Variants in DSE observed in about 807,000 individuals in gnomAD.
DSE encodes the protein dermatan sulfate epimerase.
In DSE, 36 loss-of-function variants were observed where a neutral mutation model predicts 84.4. The ratio of observed to expected loss-of-function variants is 0.43; its 90% CI spans 0.33 to 0.56. The LOEUF (loss-of-function observed/expected upper bound fraction) is 0.56, where lower values mean the gene tolerates loss of function less well. Ranked by LOEUF, DSE falls within the 20% of genes least tolerant of loss-of-function variation. The pLI is 0.06. For missense variants in DSE, 862 were observed against 1,169.6 expected (o/e 0.74, Z 3.84); for synonymous variants, 410 against 430.1 (o/e 0.95, Z 0.58).
chr6:116,396,472 CTA>C (rs1781255184), intron 1 of DSE, among the ~76,000 whole-genome samples: 1 of 152,178 alleles, frequency 6.6e-6, no homozygotes, highest in Admixed American at 6.5e-5. Flanking sequence ...TGCAGAATCT[CTA>C]TGGGTTCTGC....
chr6:116,278,587 C>A (rs369165300), intron 2 of DSE: 1 of 1,614,058 alleles, frequency 6.2e-7, no homozygotes, highest in African/African-American at 1.3e-5. Context: ...TCGGGCTCTA[C>A]GGACTCCTTC....
intron 2 of DSE, among the ~76,000 whole-genome samples, chr6:116,415,354 T>C (rs549330598): frequency 2.8e-4 from 42 of 152,312 alleles, no homozygotes; most frequent in African/African-American, 9.9e-4. Flanking sequence ...TATTCCACTC[T>C]GAAGCATATA....
intron 2 of DSE, among the ~76,000 whole-genome samples, chr6:116,413,684 AAAC>A (rs1351961583): frequency 1.3e-5 from 2 of 152,336 alleles, no homozygotes; most frequent in Admixed American, 1.3e-4. Flanking sequence ...AATTTCAGCA[AAAC>A]CTTTAAAAAT....
chr6:116,285,416 A>G (rs1338834651), intron 2 of DSE, among the ~76,000 whole-genome samples: 6 of 152,190 alleles, frequency 3.9e-5, no homozygotes, highest in Non-Finnish European at 8.8e-5. Flanking sequence ...GATTCTGGAT[A>G]CTAGCCCTTT....
Position 116,433,395 on chromosome 6 carries a change from T to A in DSE, c.963T>A (p.Gly321=). ...ACTCAAATTACAACTGGTTTTATGG[T>A]CCAGAAAGCCAATTAGTGTTCCTTG... is the stretch of plus-strand genomic sequence containing the variant. The part of the protein sequence containing the change: ...IADSNYNWFY[G]PESQLVFLDK... Residue 321 remains glycine, a synonymous_variant, in exon 5 of 6, where the codon GGT becomes GGA. Coordinates refer to ENST00000644252, the MANE Select transcript of DSE (RefSeq NM_013352.4). 6.4e-7 allele frequency: 1 copy of A among 1,551,674 alleles called. No individual in the cohort carries two copies. Among genetic ancestry groups the A allele is most frequent in the Non-Finnish European group, 8.7e-7 (1 of 1,146,968 alleles).
At chr6:116,255,292 G>T (rs930108425) in intron 1 of DSE, 1 of 152,200 alleles carries the variant, frequency 6.6e-6, no homozygotes, top group Non-Finnish European at 1.5e-5. Flanking sequence ...AGAGAAAAAG[G>T]ATTCCTCTTA....
intron 1 of DSE, among the ~76,000 whole-genome samples, chr6:116,388,000 C>A (rs1249104872): frequency 6.6e-6 from 1 of 152,102 alleles, no homozygotes; most frequent in African/African-American, 2.4e-5. Context: ...AGGGCTTGGC[C>A]TGAGCAGCTT....
chr6:116,267,009 G>A (rs1772654569), intron 2 of DSE, among the ~76,000 whole-genome samples: 1 of 152,142 alleles, frequency 6.6e-6, no homozygotes, highest in South Asian at 2.1e-4. Context: ...CCCTCATAAG[G>A]TCATAGTATA....
At chr6:116,327,625 C>G (rs1423992441) in intron 2 of DSE, among the ~76,000 whole-genome samples, 1 of 152,160 alleles carries the variant, frequency 6.6e-6, no homozygotes, top group Non-Finnish European at 1.5e-5. Context: ...GAGGTCAAAA[C>G]TTTAAAGTAT....
chr6:116,321,337 ATT>A (rs66863151), intron 2 of DSE, among the ~76,000 whole-genome samples: 44 of 115,512 alleles, frequency 3.8e-4, no homozygotes, highest in Non-Finnish European at 3.9e-4. Context: ...CTAATTTTTC[ATT>A]TTTTTTTTTT....
chr6:116,422,252 A>G (rs1365327168), intron 2 of DSE, among the ~76,000 whole-genome samples: 1 of 152,258 alleles, frequency 6.6e-6, no homozygotes, highest in Non-Finnish European at 1.5e-5. Flanking sequence ...TCATCAGAAA[A>G]ATCTTTAAGT....
In DSE at chr6:116,436,030, G is replaced by T; in HGVS notation, c.1562G>T (p.Cys521Phe). Reference protein sequence around the residue: ...SKYKHDLAASCQGRVVAAEEK... With the variant: ...SKYKHDLAASFQGRVVAAEEK... ...TACAAGCATGACCTGGCAGCTAGTT[G>T]TCAGGGGAGGGTGGTTGCAGCAGAG... The change falls in exon 6 of 6, where the codon TGT becomes TTT. Residue 521 changes from cysteine (C) to phenylalanine (F), a missense_variant. Around this residue, in one of 4 missense-constraint regions of DSE, gnomAD observed 186 missense variants for 255.1 expected, o/e 0.73. Transcript: ENST00000644252. The T allele has an allele frequency of 6.2e-7, 1 of 1,614,178 alleles. No homozygotes were observed. Among genetic ancestry groups the T allele is most frequent in the Non-Finnish European group, 8.5e-7 (1 of 1,180,030 alleles).
upstream of DSE, chr6:116,370,468 G>A: frequency 2.0e-6 from 2 of 987,128 alleles, no homozygotes; most frequent in Non-Finnish European, 1.2e-6. Flanking sequence ...TATTCGGGAG[G>A]AGGCAGACTG....
chr6:116,412,382 A>G (rs1782432002), intron 2 of DSE: 1 of 152,180 alleles, frequency 6.6e-6, no homozygotes, highest in South Asian at 2.1e-4. Context: ...GAACATTCTG[A>G]ACTTCTCTGA....
At chr6:116,371,817 C>G (rs946089397) in intron 1 of DSE, among the ~76,000 whole-genome samples, 1 of 152,224 alleles carries the variant, frequency 6.6e-6, no homozygotes, top group Non-Finnish European at 1.5e-5. Context: ...GGCTCAAGAT[C>G]TGTCGGGGCT....
intron 4 of DSE, 176 bp from the exon 5 acceptor site, chr6:116,433,167 A>G: frequency 1.6e-6 from 1 of 643,220 alleles, no homozygotes; most frequent in Non-Finnish European, 2.6e-6. Context: ...AGACCTTTTG[A>G]GGGATTCTGA....
At chr6:116,343,819 C>T (rs897343947) in intron 2 of DSE, among the ~76,000 whole-genome samples, 7 of 152,116 alleles carry the variant, frequency 4.6e-5, no homozygotes, top group Non-Finnish European at 8.8e-5. Flanking sequence ...TTCAGACGAT[C>T]GGTAATAACA....
intron 2 of DSE, among the ~76,000 whole-genome samples, chr6:116,294,312 T>C (rs1189661670): frequency 6.6e-6 from 1 of 152,188 alleles, no homozygotes; most frequent in Non-Finnish European, 1.5e-5. Flanking sequence ...AGTGAGCCAC[T>C]GTGCCTGGCC....
rs57173546 is a variant in DSE at position 116,385,813 on chromosome 6, C to CA, written c.-53-13370dup. Among the ~76,000 whole-genome samples the CA allele has an allele frequency of 5.8e-4, 83 of 142,338 alleles. 1 individual carries two copies. The South Asian group carries it at 8.6e-3, about 15-fold the overall frequency. 93.4% of individuals were successfully genotyped at this position (142,338 alleles called of 152,430 possible). A position where few individuals can be genotyped will look rare whatever the true frequency, so the allele number is the denominator to read the frequency against. ...AAATGTTTGGAAATGTTAAAGACAG[C>CA]AAAAAAAAAAAAAAAGTAAATTTTA... On this transcript the variant is annotated intron_variant, in intron 1 of 5. Transcript: ENST00000644252.
Sources: gnomAD v4.1 joint callset for allele counts (sites outside exome capture counted in the v4.1 genomes callset) on GRCh38, gnomAD v4.1.1 for gene constraint, gnomAD v4.1.1 regional missense constraint, MANE v1.5 for transcripts, NCBI Gene and HGNC (gene_info 2026-07-23, HGNC 2026-07-21) for gene names.